The following ADK variants were observed in gnomAD, a reference collection of about 807,000 sequenced individuals.
ADK encodes the protein adenosine kinase.
ADK carries 24 observed loss-of-function variants against 44.7 expected under a neutral mutation model. The ratio of observed to expected loss-of-function variants is 0.54; its 90% confidence interval spans 0.39 to 0.76. ADK has a LOEUF of 0.76. Among genes scored for constraint, ADK ranks in the 30% least tolerant of loss-of-function variants. The probability of loss-of-function intolerance (pLI) is 0.00; values close to 1 mark genes in which losing one functional copy is unlikely to be tolerated. For missense variants in ADK, 321 were observed against 425.1 expected (o/e 0.76, Z 2.15); for synonymous variants, 128 against 142.6 (o/e 0.90, Z 0.73).
intron 6 of ADK, among the ~76,000 whole-genome samples, chr10:74,420,262 A>G (rs1443459334): frequency 6.6e-6 from 1 of 152,112 alleles, no homozygotes; most frequent in Non-Finnish European, 1.5e-5. Context: ...GGGGTCAGGA[A>G]GGGGAAAGAG....
intron 6 of ADK, among the ~76,000 whole-genome samples, chr10:74,405,309 G>T (rs1237376893): frequency 2.0e-5 from 3 of 151,456 alleles, no homozygotes; most frequent in Non-Finnish European, 4.4e-5. Flanking sequence ...GAGGTGAGTA[G>T]CAGGCCACCA....
intron 2 of ADK, 81 bp downstream of exon 2, chr10:74,200,919 C>A: frequency 1.1e-6 from 1 of 944,554 alleles, no homozygotes; most frequent in Non-Finnish European, 1.7e-6. Flanking sequence ...AGTGAATTTA[C>A]CACCGAATGT....
chr10:74,195,707 CT>C (rs71475265), intron 1 of ADK, among the ~76,000 whole-genome samples: 3,224 of 97,518 alleles, frequency 0.033, 46 homozygotes, highest in East Asian at 0.045. Flanking sequence ...TCTTTTCTTT[CT>C]TTTTTTTTTT....
chr10:74,215,767 C>T (rs1453285615), intron 2 of ADK, among the ~76,000 whole-genome samples: 1 of 150,104 alleles, frequency 6.7e-6, no homozygotes, highest in Non-Finnish European at 1.5e-5. Context: ...CTGGGTTCAC[C>T]CCATTCTCCT....
chr10:74,596,087 A>G (rs1851917406), intron 8 of ADK, among the ~76,000 whole-genome samples: 1 of 151,896 alleles, frequency 6.6e-6, no homozygotes, highest in African/African-American at 2.4e-5. Context: ...TAAACACAAG[A>G]TCAGGAATGA....
chr10:74,260,471 G>A (rs763704849), intron 3 of ADK, among the ~76,000 whole-genome samples: 1 of 152,114 alleles, frequency 6.6e-6, no homozygotes, highest in Non-Finnish European at 1.5e-5. Context: ...GGGTTTTGCT[G>A]TGTTGTCCCT....
intron 2 of ADK, among the ~76,000 whole-genome samples, chr10:74,202,588 A>T (rs534837179): frequency 6.6e-6 from 1 of 152,238 alleles, no homozygotes; most frequent in Non-Finnish European, 1.5e-5. Context: ...CCGGCAGTGC[A>T]TAAGTGTTCC....
At chr10:74,625,060 T>C (rs529205090) in intron 9 of ADK, among the ~76,000 whole-genome samples, 13 of 152,142 alleles carry the variant, frequency 8.5e-5, no homozygotes, top group Non-Finnish European at 1.8e-4. Context: ...ATTGAGTGCC[T>C]ACTGTATGTC....
At chr10:74,185,301 G>T (rs1447108140) in intron 1 of ADK, among the ~76,000 whole-genome samples, 2 of 152,134 alleles carry the variant, frequency 1.3e-5, no homozygotes, top group African/African-American at 4.8e-5. Flanking sequence ...CTGGGCTAAG[G>T]TTTTCTGCGG....
At chr10:74,437,794 C>G (rs1238398386) in intron 6 of ADK, among the ~76,000 whole-genome samples, 1 of 152,178 alleles carries the variant, frequency 6.6e-6, no homozygotes, top group Non-Finnish European at 1.5e-5. Flanking sequence ...AGAATAAACT[C>G]CAAACTTTCT....
chr10:74,187,705 A>G lies in ADK; in HGVS notation c.66-13059A>G, dbSNP rs368626481. 3.9e-4 allele frequency among the ~76,000 whole-genome samples: 59 copies of G among 151,814 alleles called. 2 individuals carry two copies. Among genetic ancestry groups the G allele is most frequent in the African/African-American group, 1.4e-3 (57 of 41,394 alleles). On this transcript the variant is annotated intron_variant, in intron 1 of 10. Transcript: ENST00000539909. Reference sequence around the variant, plus strand: ...TACTCTCTGCTAGGCTTGTGAAACTATTCTCTCATGGTTTTTTTCTAGAAG... The same window carrying G: ...TACTCTCTGCTAGGCTTGTGAAACTGTTCTCTCATGGTTTTTTTCTAGAAG...
chr10:74,576,158 A>G (rs1851176467), intron 7 of ADK, among the ~76,000 whole-genome samples: 1 of 152,206 alleles, frequency 6.6e-6, no homozygotes, highest in African/African-American at 2.4e-5. Context: ...GGAATGTAGC[A>G]AATAAGATAA....
intron 7 of ADK, among the ~76,000 whole-genome samples, chr10:74,552,570 G>A (rs376417677): frequency 4.6e-5 from 7 of 151,144 alleles, no homozygotes; most frequent in African/African-American, 1.7e-4. Context: ...TACACTGAAA[G>A]CATATTTTAT....
At chr10:74,636,312 T>C (rs1412422077) in intron 9 of ADK, among the ~76,000 whole-genome samples, 2 of 152,194 alleles carry the variant, frequency 1.3e-5, no homozygotes, top group African/African-American at 4.8e-5. Context: ...AGTGCTTGGC[T>C]ACAGAGCTGG....
chr10:74,533,054 T>C (rs566684059), intron 7 of ADK, among the ~76,000 whole-genome samples: 9 of 152,278 alleles, frequency 5.9e-5, no homozygotes, highest in East Asian at 3.9e-4. Flanking sequence ...AAATACGATT[T>C]CCAATACCAT....
At chr10:74,509,892 T>C (rs1462871340) in intron 6 of ADK, among the ~76,000 whole-genome samples, 1 of 152,234 alleles carries the variant, frequency 6.6e-6, no homozygotes, top group Non-Finnish European at 1.5e-5. Context: ...GTTTTATCTA[T>C]GTTGCCATGA....
At chr10:74,266,425 C>T (rs1057244557) in intron 3 of ADK, among the ~76,000 whole-genome samples, 2 of 151,954 alleles carry the variant, frequency 1.3e-5, no homozygotes, top group African/African-American at 4.8e-5. Context: ...GGCGTGGTGG[C>T]GGGCACCTGT....
chr10:74,452,011 C>T (rs1255037972), intron 6 of ADK, among the ~76,000 whole-genome samples: 1 of 151,464 alleles, frequency 6.6e-6, no homozygotes, highest in African/African-American at 2.4e-5. Flanking sequence ...GTTAGACAAA[C>T]TATAACTTCT....
At chr10:74,170,432 A>C (rs1289677832) in intron 1 of ADK, among the ~76,000 whole-genome samples, 1 of 152,180 alleles carries the variant, frequency 6.6e-6, no homozygotes, top group Non-Finnish European at 1.5e-5. Context: ...AAACTCAGGA[A>C]CAAGGTTATG....
Sources: gnomAD v4.1 joint callset for allele counts (sites outside exome capture counted in the v4.1 genomes callset) on GRCh38, gnomAD v4.1.1 for gene constraint, MANE v1.5 for transcripts, NCBI Gene and HGNC (gene_info 2026-07-23, HGNC 2026-07-21) for gene names.